OR51Q1: variants seen among roughly 807,000 people sequenced by gnomAD.
OR51Q1 encodes olfactory receptor family 51 subfamily Q member 1, also known as olfactory receptor 51Q1.
For missense variants in OR51Q1, 501 were observed against 397.1 expected (o/e 1.26, Z -2.22); for synonymous variants, 187 against 151.7 (o/e 1.23, Z -1.71).
In OR51Q1 at chr11:5,422,959, C is replaced by T; in HGVS notation, c.759C>T (p.Leu253=). The T allele has an allele frequency of 6.2e-7, 1 of 1,614,130 alleles. No individual in the cohort carries two copies. The highest frequency in any genetic ancestry group is 1.3e-5 in the African/African-American group (1 of 75,060). The change falls in exon 1 of 1, where the codon CTC becomes CTT. Residue 253 remains leucine, a synonymous_variant. Coordinates refer to ENST00000300778, the MANE Select transcript of OR51Q1 (RefSeq NM_001004757.2). ...CLSHILAVLV[L]YIPMVGVSMT... is the part of the protein sequence containing the mutation. ...CCCACATTCTAGCTGTCCTGGTCCT[C>T]TACATTCCCATGGTTGGTGTATCTA...
chr11:5,422,614 C>T lies in OR51Q1; in HGVS notation c.414C>T (p.Leu138=). ...ICCPLHYASI[L]TNEVIGRTGL... ...GTCCCCTCCATTATGCCTCCATCCTCACCAATGAAGTCATTGGTAGAACTG... is the reference window on the plus strand; with the variant it reads ...GTCCCCTCCATTATGCCTCCATCCTTACCAATGAAGTCATTGGTAGAACTG... Residue 138 remains leucine, a synonymous_variant, in exon 1 of 1, where the codon CTC becomes CTT. Coordinates refer to ENST00000300778, the MANE Select transcript of OR51Q1 (RefSeq NM_001004757.2). 1 of 1,614,102 alleles carries T rather than the reference C, an allele frequency of 6.2e-7. No homozygotes were observed. Among genetic ancestry groups the T allele is most frequent in the South Asian group, 1.1e-5 (1 of 91,078 alleles).
chr11:5,422,156 TCTCC>T lies in OR51Q1; in HGVS notation c.-42_-39del. 1.5e-6 allele frequency: 2 copies of T among 1,372,904 alleles called. No homozygotes were observed. Among genetic ancestry groups the T allele is most frequent in the Non-Finnish European group, 2.0e-6 (2 of 994,856 alleles). 85.0% of individuals were successfully genotyped at this position (1,372,904 alleles called of 1,614,324 possible). On this transcript the variant is annotated 5_prime_UTR_variant, in exon 1 of 1. The change abolishes the stop of an existing upstream ORF in the 5' untranslated region. Coordinates refer to ENST00000300778, the MANE Select transcript of OR51Q1 (RefSeq NM_001004757.2). ...AGATATTATTTCTAATGTTTCTTTT[TCTCC>T]CTGAGTGAAGATCCTGAATCTGAAG...
In OR51Q1 at chr11:5,422,753, G is replaced by A; in HGVS notation, c.553G>A (p.Asp185Asn). 1 of 1,614,106 alleles carries A rather than the reference G, an allele frequency of 6.2e-7. No homozygotes were observed. Among genetic ancestry groups the A allele is most frequent in the Non-Finnish European group, 8.5e-7 (1 of 1,180,008 alleles). ...CTCTCGCTCCTATTGCCTCCACCAG[G>A]ATATGATCCGCCTGGTCTGTGCTGA... ...LLSRSYCLHQ[D>N]MIRLVCADIR... is the part of the protein sequence containing the mutation. Residue 185 changes from aspartate (D) to asparagine (N), a missense_variant, in exon 1 of 1, where the codon GAT (aspartate) becomes AAT (asparagine). Transcript: ENST00000300778.
Position 5,422,605 on chromosome 11 carries a change from C to A in OR51Q1, c.405C>A (p.Ala135=), listed in dbSNP as rs993842607. The part of the protein sequence containing the change: ...YVAICCPLHY[A]SILTNEVIGR... ...CCATCTGCTGTCCCCTCCATTATGC[C>A]TCCATCCTCACCAATGAAGTCATTG... Residue 135 remains alanine, a synonymous_variant, in exon 1 of 1, where the codon GCC becomes GCA. Transcript: ENST00000300778. 3 of 1,614,148 alleles carry A rather than the reference C, an allele frequency of 1.9e-6. No individual in the cohort carries two copies. Among genetic ancestry groups the A allele is most frequent in the Non-Finnish European group, 2.5e-6 (3 of 1,180,008 alleles).
rs1850372063 is a variant in OR51Q1 at position 5,422,829 on chromosome 11, T to C, written c.629T>C (p.Ile210Thr). 3 of 1,614,192 alleles carry C rather than the reference T, an allele frequency of 1.9e-6. No individual in the cohort carries two copies. Among genetic ancestry groups the C allele is most frequent in the Non-Finnish European group, 2.5e-6 (3 of 1,180,032 alleles). ...YGFALALLII[I>T]VDPLLIVISY... ...TTTGCTCTTGCCTTGCTCATTATTA[T>C]CGTGGATCCTCTGCTCATTGTGATC... Residue 210 changes from isoleucine (I) to threonine (T), a missense_variant, in exon 1 of 1, where the codon ATC (isoleucine) becomes ACC (threonine). By Grantham distance (89) the Ile-to-Thr change is moderately conservative. Coordinates refer to ENST00000300778, the MANE Select transcript of OR51Q1 (RefSeq NM_001004757.2).
chr11:5,422,342 C>G lies in OR51Q1; in HGVS notation c.142C>G (p.Leu48Val). Residue 48 changes from leucine (L) to valine (V), a missense_variant, in exon 1 of 1, where the codon CTC becomes GTC. Coordinates refer to ENST00000300778, the MANE Select transcript of OR51Q1 (RefSeq NM_001004757.2). ...CTCCATCATGGGCAATACCACCATC[C>G]TCACTGTCATTCGCACAGAGCCATC... ...TISIMGNTTI[L>V]TVIRTEPSVH... 1 of 1,614,142 alleles carries G rather than the reference C, an allele frequency of 6.2e-7. No homozygotes were observed. Among genetic ancestry groups the G allele is most frequent in the Non-Finnish European group, 8.5e-7 (1 of 1,180,030 alleles).
chr11:5,422,454 A>T lies in OR51Q1; in HGVS notation c.254A>T (p.Gln85Leu). ...LTLTTLPTVM[Q>L]LLWFNVRRIS... ...CTCACCACCCTACCCACAGTCATGC[A>T]GCTTCTCTGGTTCAACGTTCGTAGA... is the stretch of plus-strand genomic sequence containing the variant. Residue 85 changes from glutamine to leucine, a missense_variant, in exon 1 of 1, where the codon CAG becomes CTG. Transcript: ENST00000300778. 3 of 1,614,138 alleles carry T rather than the reference A, an allele frequency of 1.9e-6. No homozygotes were observed. The highest frequency in any genetic ancestry group is 2.5e-6 in the Non-Finnish European group (3 of 1,180,028).
In OR51Q1 at chr11:5,422,932, G is replaced by C. The variant is rs1253878754; in HGVS notation, c.732G>C (p.Leu244=). ...GACTCCGTGCCCTCAATAACTGCCT[G>C]TCCCACATTCTAGCTGTCCTGGTCC... ...AERLRALNNC[L]SHILAVLVLY... The change falls in exon 1 of 1, where the codon CTG becomes CTC. Residue 244 remains leucine (L), a synonymous_variant. Coordinates refer to ENST00000300778, the MANE Select transcript of OR51Q1 (RefSeq NM_001004757.2). The C allele has an allele frequency of 1.9e-6, 3 of 1,614,056 alleles. No individual in the cohort carries two copies. The highest frequency in any genetic ancestry group is 3.3e-5 in the Admixed American group (2 of 60,016).
In OR51Q1 at chr11:5,422,962, C is replaced by T. The variant is rs1350454826; in HGVS notation, c.762C>T (p.Tyr254=). 5 of 1,613,996 alleles carry T rather than the reference C, an allele frequency of 3.1e-6. No individual in the cohort carries two copies. The African/African-American group carries it at 6.7e-5, about 22-fold the overall frequency. Residue 254 remains tyrosine, a synonymous_variant, in exon 1 of 1, where the codon TAC becomes TAT. Coordinates refer to ENST00000300778, the MANE Select transcript of OR51Q1 (RefSeq NM_001004757.2). ...ACATTCTAGCTGTCCTGGTCCTCTACATTCCCATGGTTGGTGTATCTATGA... is the reference window on the plus strand; with the variant it reads ...ACATTCTAGCTGTCCTGGTCCTCTATATTCCCATGGTTGGTGTATCTATGA... ...LSHILAVLVL[Y]IPMVGVSMTH...
chr11:5,422,661 G>A lies in OR51Q1; in HGVS notation c.461G>A (p.Cys154Tyr), dbSNP rs199601134. 4.3e-6 allele frequency: 7 copies of A among 1,613,932 alleles called. No individual in the cohort carries two copies. The highest frequency in any genetic ancestry group is 5.9e-6 in the Non-Finnish European group (7 of 1,179,994). ...ACTGGGTTAGCCATCATTTGCTGCT[G>A]TGTTCTGGCGGTTCTTCCCTCCCTT... ...GRTGLAIICC[C>Y]VLAVLPSLFL... Residue 154 changes from cysteine to tyrosine, a missense_variant, in exon 1 of 1, where the codon TGT becomes TAT. Transcript: ENST00000300778.
At position 5,422,898 on chromosome 11, in the gene OR51Q1, G is replaced by T; in HGVS notation, c.698G>T (p.Trp233Leu). 1 of 1,614,012 alleles carries T rather than the reference G, an allele frequency of 6.2e-7. No homozygotes were observed. Among genetic ancestry groups the T allele is most frequent in the Middle Eastern group, 1.6e-4 (1 of 6,062 alleles). The change falls in exon 1 of 1, where the codon TGG becomes TTG. Residue 233 changes from tryptophan to leucine, a missense_variant. By Grantham distance (61) the Trp-to-Leu change is moderately conservative. Coordinates refer to ENST00000300778, the MANE Select transcript of OR51Q1 (RefSeq NM_001004757.2). Reference protein sequence around the residue: ...ILKNILGTATWAERLRALNNC... With the variant: ...ILKNILGTATLAERLRALNNC... ...AAAAATATCTTGGGCACAGCCACCT[G>T]GGCTGAGCGACTCCGTGCCCTCAAT... is the stretch of plus-strand genomic sequence containing the variant.
At position 5,423,097 on chromosome 11, in the gene OR51Q1, G is replaced by A; in HGVS notation, c.897G>A (p.Lys299=). Residue 299 remains lysine (K), a synonymous_variant, in exon 1 of 1, where the codon AAG becomes AAA. Coordinates refer to ENST00000300778, the MANE Select transcript of OR51Q1 (RefSeq NM_001004757.2). ...CCATCATTTACAGTGTAAAGAACAA[G>A]CAGATCCAATGGGGAATGTTAAATT... ...MNPIIYSVKN[K]QIQWGMLNFL... is the part of the protein sequence containing the mutation. 2 of 1,612,610 alleles carry A rather than the reference G, an allele frequency of 1.2e-6. No homozygotes were observed. The highest frequency in any genetic ancestry group is 1.7e-6 in the Non-Finnish European group (2 of 1,179,156).
At position 5,422,782 on chromosome 11, in the gene OR51Q1, C is replaced by T. The variant is rs146457615; in HGVS notation, c.582C>T (p.Ile194=). ...TGATCCGCCTGGTCTGTGCTGACAT[C>T]AGGCTCAACAGCTGGTATGGATTTG... ...QDMIRLVCAD[I]RLNSWYGFAL... is the part of the protein sequence containing the mutation. Residue 194 remains isoleucine (I), a synonymous_variant, in exon 1 of 1, where the codon ATC becomes ATT. Transcript: ENST00000300778. The T allele has an allele frequency of 6.2e-7, 1 of 1,614,198 alleles. No homozygotes were observed. The highest frequency in any genetic ancestry group is 8.5e-7 in the Non-Finnish European group (1 of 1,180,034).
Position 5,422,828 on chromosome 11 carries a change from A to G in OR51Q1, c.628A>G (p.Ile210Val), listed in dbSNP as rs765775710. 1.2e-6 allele frequency: 2 copies of G among 1,611,988 alleles called. No individual in the cohort carries two copies. Among genetic ancestry groups the G allele is most frequent in the Non-Finnish European group, 1.7e-6 (2 of 1,178,076 alleles). ...YGFALALLII[I>V]VDPLLIVISY... ...ATTTGCTCTTGCCTTGCTCATTATT[A>G]TCGTGGATCCTCTGCTCATTGTGAT... Residue 210 changes from isoleucine (I) to valine (V), a missense_variant, in exon 1 of 1, where the codon ATC (isoleucine) becomes GTC (valine). By Grantham distance (29) the Ile-to-Val change is conservative (BLOSUM62 3). Transcript: ENST00000300778.
At position 5,422,130 on chromosome 11, in the gene OR51Q1, G is replaced by T; in HGVS notation, c.-71G>T. 8.3e-7 allele frequency: 1 copy of T among 1,205,212 alleles called. No individual in the cohort carries two copies. The highest frequency in any genetic ancestry group is 1.5e-5 in the South Asian group (1 of 68,670). 74.7% of individuals were successfully genotyped at this position (1,205,212 alleles called of 1,614,324 possible). A position where few individuals can be genotyped will look rare whatever the true frequency, so the allele number is the denominator to read the frequency against. Reference sequence around the variant, plus strand: ...TAGAATTTGGATTAAATGGGGCAAAGAGATATTATTTCTAATGTTTCTTTT... The same window carrying T: ...TAGAATTTGGATTAAATGGGGCAAATAGATATTATTTCTAATGTTTCTTTT... On this transcript the variant is annotated 5_prime_UTR_variant, in exon 1 of 1. Coordinates refer to ENST00000300778, the MANE Select transcript of OR51Q1 (RefSeq NM_001004757.2).
chr11:5,422,354 C>A lies in OR51Q1; in HGVS notation c.154C>A (p.Arg52Ser). ...MGNTTILTVI[R>S]TEPSVHQRMY... ...CAATACCACCATCCTCACTGTCATTCGCACAGAGCCATCTGTCCACCAGCG... is the reference window on the plus strand; with the variant it reads ...CAATACCACCATCCTCACTGTCATTAGCACAGAGCCATCTGTCCACCAGCG... The change falls in exon 1 of 1, where the codon CGC becomes AGC. Residue 52 changes from arginine to serine, a missense_variant. Arg to Ser is a moderately radical substitution (Grantham distance 110). Transcript: ENST00000300778. 1.2e-6 allele frequency: 2 copies of A among 1,614,152 alleles called. No individual in the cohort carries two copies. The highest frequency in any genetic ancestry group is 8.5e-7 in the Non-Finnish European group (1 of 1,180,036).
rs1175313852 is a variant in OR51Q1, at chr11:5,422,938, CAT to C, written c.739_740del (p.Ile247SerfsTer77). The stretch of plus-strand genomic sequence containing the variant: ...GTGCCCTCAATAACTGCCTGTCCCA[CAT>C]TCTAGCTGTCCTGGTCCTCTACATT... ...LRALNNCLSHILAVLVLYIPM... is the reference protein window; with the variant it reads ...LRALNNCLSHXLAVLVLYIPM... On this transcript the variant is annotated frameshift_variant, in exon 1 of 1. Transcript: ENST00000300778. LOFTEE classifies it low-confidence loss of function (END_TRUNC). 3 of 1,614,108 alleles carry C rather than the reference CAT, an allele frequency of 1.9e-6. No individual in the cohort carries two copies. The highest frequency in any genetic ancestry group is 2.5e-6 in the Non-Finnish European group (3 of 1,179,982).
rs747729349 is a variant in OR51Q1 at position 5,423,161 on chromosome 11, G to A, written c.*7G>A. 2.7e-5 allele frequency: 43 copies of A among 1,575,560 alleles called. No homozygotes were observed. The highest frequency in any genetic ancestry group is 3.4e-5 in the Non-Finnish European group (39 of 1,156,168). On this transcript the variant is annotated 3_prime_UTR_variant, in exon 1 of 1. Coordinates refer to ENST00000300778, the MANE Select transcript of OR51Q1 (RefSeq NM_001004757.2). Reference sequence around the variant, plus strand: ...AAATATGCATTCAAGATGAGGGAATGCATTTCTTAAATTACTGACAAGTAT... The same window carrying A: ...AAATATGCATTCAAGATGAGGGAATACATTTCTTAAATTACTGACAAGTAT...
Position 5,422,762 on chromosome 11 carries a change from C to G in OR51Q1, c.562C>G (p.Arg188Gly), listed in dbSNP as rs111420940. 3 of 1,614,122 alleles carry G rather than the reference C, an allele frequency of 1.9e-6. No individual in the cohort carries two copies. The highest frequency in any genetic ancestry group is 1.3e-5 in the African/African-American group (1 of 75,048). ...CTATTGCCTCCACCAGGATATGATC[C>G]GCCTGGTCTGTGCTGACATCAGGCT... ...RSYCLHQDMI[R>G]LVCADIRLNS... is the part of the protein sequence containing the mutation. Residue 188 changes from arginine (R) to glycine (G), a missense_variant, in exon 1 of 1, where the codon CGC becomes GGC. By Grantham distance (125) the Arg-to-Gly change is moderately radical. Coordinates refer to ENST00000300778, the MANE Select transcript of OR51Q1 (RefSeq NM_001004757.2).
Sources: allele counts gnomAD v4.1 joint callset, GRCh38; gene constraint gnomAD v4.1.1; transcripts MANE v1.5; gene names NCBI Gene and HGNC (gene_info 2026-07-23, HGNC 2026-07-21).